The following MEGF11 variants were observed in gnomAD, a reference collection of about 807,000 sequenced individuals.
MEGF11 encodes multiple epidermal growth factor-like domains protein 11.
Under a neutral mutation model 146.6 loss-of-function variants are expected in MEGF11, and 126 were observed. The ratio of observed to expected loss-of-function variants is 0.86; its 90% CI spans 0.74 to 1.00. The LOEUF (loss-of-function observed/expected upper bound fraction) is 1.00. MEGF11 is among the 50% of genes least tolerant of loss of function. MEGF11 has a pLI of 0.00. For missense variants in MEGF11, 1,509 were observed against 1,521.2 expected (o/e 0.99, Z 0.13); for synonymous variants, 532 against 583.4 (o/e 0.91, Z 1.27).
At chr15:65,925,031 G>A (rs2079321781) in intron 13 of MEGF11, among the ~76,000 whole-genome samples, 1 of 152,150 alleles carries the variant, frequency 6.6e-6, no homozygotes, top group South Asian at 2.1e-4. Flanking sequence ...TGTCCACAGG[G>A]CCTCCAATTC....
intron 5 of MEGF11, among the ~76,000 whole-genome samples, chr15:66,075,313 C>T (rs1374463827): frequency 6.6e-6 from 1 of 152,194 alleles, no homozygotes; most frequent in Non-Finnish European, 1.5e-5. Flanking sequence ...AGCAAGGGCT[C>T]TATGGAGACT....
intron 1 of MEGF11, among the ~76,000 whole-genome samples, chr15:66,188,368 C>T (rs2090769421): frequency 6.6e-6 from 1 of 151,554 alleles, no homozygotes; most frequent in Admixed American, 6.6e-5. Context: ...TTTATGAACA[C>T]TTATAACATG....
chr15:66,183,461 C>T (rs2090607419), intron 1 of MEGF11, among the ~76,000 whole-genome samples: 1 of 151,592 alleles, frequency 6.6e-6, no homozygotes, highest in South Asian at 2.1e-4. Context: ...GATTGCGCCA[C>T]TGCACTCCAG....
intron 4 of MEGF11, among the ~76,000 whole-genome samples, chr15:66,114,044 C>CA (rs2087591130): frequency 6.6e-6 from 1 of 152,146 alleles, no homozygotes; most frequent in African/African-American, 2.4e-5. Flanking sequence ...TGTGGTATAA[C>CA]AAGTCCCCCA....
intron 10 of MEGF11, among the ~76,000 whole-genome samples, chr15:65,955,212 T>C: frequency 6.6e-6 from 1 of 152,222 alleles, no homozygotes; most frequent in East Asian, 1.9e-4. Context: ...CCCAAACAAT[T>C]ATTCTCTCCT....
At chr15:65,919,522 A>T (rs1047274449) in intron 15 of MEGF11, among the ~76,000 whole-genome samples, 2 of 151,976 alleles carry the variant, frequency 1.3e-5, no homozygotes, top group African/African-American at 4.8e-5. Context: ...TGTCTTGATT[A>T]AAAAACACTT....
Position 65,982,565 on chromosome 15 carries a change from TGCG to T in MEGF11, c.395-80_395-78del. 1 of 1,395,950 alleles carries T rather than the reference TGCG, an allele frequency of 7.2e-7. No homozygotes were observed. The highest frequency in any genetic ancestry group is 9.3e-7 in the Non-Finnish European group (1 of 1,075,080). 86.5% of individuals were successfully genotyped at this position (1,395,950 alleles called of 1,614,324 possible). A position where few individuals can be genotyped will look rare whatever the true frequency, so the allele number is the denominator to read the frequency against. On this transcript the variant is annotated intron_variant, in intron 5 of 25. Coordinates refer to ENST00000395614, the MANE Select transcript of MEGF11 (RefSeq NM_001385028.1). This position sits in a 1 kb window ranked among gnomAD's most constrained non-coding sequence, Gnocchi z 5.6. ...GGCAGGGGCCAGGAACCGATGCCCATGCGGCCTTCCCATCTTTGCAGCGCTGCT... is the reference window on the plus strand; with the variant it reads ...GGCAGGGGCCAGGAACCGATGCCCATGCCTTCCCATCTTTGCAGCGCTGCT...
chr15:66,080,294 C>T (rs1185180487), intron 5 of MEGF11, among the ~76,000 whole-genome samples: 1 of 152,238 alleles, frequency 6.6e-6, no homozygotes, highest in Non-Finnish European at 1.5e-5. Context: ...CCAGCCCTGA[C>T]AGTCACCAGA....
intron 1 of MEGF11, among the ~76,000 whole-genome samples, chr15:66,249,508 A>T (rs60341771): frequency 1.3e-5 from 2 of 152,198 alleles, no homozygotes; most frequent in Non-Finnish European, 2.9e-5. Context: ...ATTATATTGC[A>T]ATATATTCTC....
chr15:65,977,104 G>A lies in MEGF11; in HGVS notation c.762+3674C>T, dbSNP rs371493972. Among the ~76,000 whole-genome samples, 15 of 144,940 alleles carry A rather than the reference G, an allele frequency of 1.0e-4. No homozygotes were observed. In the South Asian group the frequency reaches 2.4e-3, roughly 24 times the overall value. ...GAATGGCATGAACCTGGGAGGCGGAGCTTGCAGTGAGCCGAGATCGTGCCA... is the reference window on the plus strand; with the variant it reads ...GAATGGCATGAACCTGGGAGGCGGAACTTGCAGTGAGCCGAGATCGTGCCA... On this transcript the variant is annotated intron_variant, in intron 7 of 25. Coordinates refer to ENST00000395614, the MANE Select transcript of MEGF11 (RefSeq NM_001385028.1).
chr15:66,086,544 T>C (rs2086116421), intron 5 of MEGF11, among the ~76,000 whole-genome samples: 1 of 152,204 alleles, frequency 6.6e-6, no homozygotes, highest in African/African-American at 2.4e-5. Flanking sequence ...GTCAAGAATT[T>C]TGTATCCAGC....
At chr15:66,122,220 C>T (rs552073165) in intron 3 of MEGF11, among the ~76,000 whole-genome samples, 53 of 151,142 alleles carry the variant, frequency 3.5e-4, no homozygotes, top group African/African-American at 8.5e-4. Flanking sequence ...ACTGAGATCG[C>T]GCCACTGCAC....
rs116923656 is a variant in MEGF11 at position 66,084,713 on chromosome 15, G to C, written c.394+9689C>G. 4.6e-5 allele frequency among the ~76,000 whole-genome samples: 7 copies of C among 152,334 alleles called. No individual in the cohort carries two copies. In the East Asian group the frequency reaches 1.2e-3, roughly 25 times the overall value. On this transcript the variant is annotated intron_variant, in intron 5 of 25. Transcript: ENST00000395614. ...CAGGGATCCATCAGGAGGGTGGCCA[G>C]AGGAGCAGGAGGTAAAACTCCACAG...
intron 5 of MEGF11, among the ~76,000 whole-genome samples, chr15:66,020,834 TAC>T (rs2083086728): frequency 6.6e-6 from 1 of 151,758 alleles, no homozygotes; most frequent in South Asian, 2.1e-4. Flanking sequence ...CTGCTAAAAA[TAC>T]AAAAAGTTAG....
chr15:66,212,126 C>T (rs1310201070), intron 1 of MEGF11, among the ~76,000 whole-genome samples: 1 of 108,314 alleles, frequency 9.2e-6, no homozygotes, highest in East Asian at 2.9e-4. Flanking sequence ...TTGGCCAAAC[C>T]CAACCCAAAG....
intron 1 of MEGF11, among the ~76,000 whole-genome samples, chr15:66,245,462 G>C (rs1046280602): frequency 5.5e-5 from 3 of 54,282 alleles, no homozygotes; most frequent in African/African-American, 1.6e-4. Flanking sequence ...ACCCATCTCT[G>C]TAAAAAAAGA....
At chr15:66,052,708 A>G (rs2084501409) in intron 5 of MEGF11, among the ~76,000 whole-genome samples, 1 of 152,306 alleles carries the variant, frequency 6.6e-6, no homozygotes. Context: ...GCCTCCCCTC[A>G]GTGGCTGTGA....
At chr15:65,931,931 A>G (rs1448008245) in intron 10 of MEGF11, among the ~76,000 whole-genome samples, 4 of 152,246 alleles carry the variant, frequency 2.6e-5, no homozygotes, top group African/African-American at 9.6e-5. Context: ...AACTCTGCCA[A>G]GGTCACAGAA....
intron 1 of MEGF11, among the ~76,000 whole-genome samples, chr15:66,231,940 C>A (rs954821054): frequency 6.6e-6 from 1 of 152,192 alleles, no homozygotes; most frequent in African/African-American, 2.4e-5. Flanking sequence ...CACTTCCAAT[C>A]CCCCCAACAA....
Sources: gnomAD v4.1 joint callset for allele counts (sites outside exome capture counted in the v4.1 genomes callset) on GRCh38, gnomAD v4.1.1 for gene constraint, Gnocchi (gnomAD v3.1) non-coding constraint, MANE v1.5 for transcripts, NCBI Gene and HGNC (gene_info 2026-07-23, HGNC 2026-07-21) for gene names.